The following STXBP5L variants were observed in gnomAD, a reference collection of about 807,000 sequenced individuals.
The protein encoded by STXBP5L is syntaxin binding protein 5L.
In STXBP5L, 65 loss-of-function variants were observed where a neutral mutation model predicts 144.5. The ratio of observed to expected loss-of-function variants is 0.45; its 90% CI spans 0.37 to 0.55. The LOEUF is 0.55. Among genes scored for constraint, STXBP5L ranks in the 20% least tolerant of loss-of-function variants. STXBP5L has a pLI of 0.00. For missense variants in STXBP5L, 1,298 were observed against 1,405.5 expected, an observed-to-expected ratio of 0.92 and a Z score of 1.22; for synonymous variants, 505 against 469.6, an observed-to-expected ratio of 1.08 and a Z score of -0.97.
intron 15 of STXBP5L, among the ~76,000 whole-genome samples, chr3:121,252,901 G>A (rs954819018): frequency 1.3e-5 from 2 of 152,066 alleles, no homozygotes; most frequent in African/African-American, 2.4e-5. Context: ...TGTAATCGTT[G>A]GCAGACTTCA....
intron 20 of STXBP5L, among the ~76,000 whole-genome samples, chr3:121,334,027 G>A (rs770055725): frequency 2.0e-5 from 3 of 152,072 alleles, no homozygotes; most frequent in Non-Finnish European, 4.4e-5. Context: ...CTCGTGGGGA[G>A]CAGTCTCATG....
intron 12 of STXBP5L, 116 bp downstream of exon 12, chr3:121,233,804 C>A: frequency 1.3e-6 from 1 of 770,980 alleles, no homozygotes; most frequent in Non-Finnish European, 1.9e-6. Flanking sequence ...GCTAGAATTA[C>A]AGAAATGCAC....
chr3:121,030,916 C>T (rs1226636999), intron 3 of STXBP5L, among the ~76,000 whole-genome samples: 1 of 152,116 alleles, frequency 6.6e-6, no homozygotes, highest in African/African-American at 2.4e-5. Flanking sequence ...TATTGGGTAA[C>T]TTACTGGGAG....
chr3:121,413,076 A>T, intron 23 of STXBP5L, 82 bp from the exon 24 acceptor site: 1 of 1,065,704 alleles, frequency 9.4e-7, no homozygotes, highest in Non-Finnish European at 1.3e-6. Context: ...ATAAAATAAT[A>T]GAATAAAAAT....
At chr3:121,090,905 T>C (rs1481532319) in intron 5 of STXBP5L, among the ~76,000 whole-genome samples, 2 of 150,478 alleles carry the variant, frequency 1.3e-5, no homozygotes, top group African/African-American at 2.5e-5. Flanking sequence ...ATTAGGTATA[T>C]CTCCCAGTGC....
At chr3:121,157,669 A>G (rs1234609170) in intron 9 of STXBP5L, 42 bp downstream of exon 9, 5 of 1,572,244 alleles carry the variant, frequency 3.2e-6, no homozygotes, top group South Asian at 2.4e-5. Context: ...CTGGCAATTC[A>G]GTGCCTTGAC....
chr3:121,367,925 G>C lies in STXBP5L; in HGVS notation c.2177-10791G>C, dbSNP rs141601880. On this transcript the variant is annotated intron_variant, in intron 20 of 26. Transcript: ENST00000471454. ...TAGGCATGAGCCATCTTTGACTTTTGAAAGCTTTGTAACAATGTCTCAATG... is the reference window on the plus strand; with the variant it reads ...TAGGCATGAGCCATCTTTGACTTTTCAAAGCTTTGTAACAATGTCTCAATG... 4.3e-3 allele frequency among the ~76,000 whole-genome samples: 643 copies of C among 149,740 alleles called. 5 individuals are homozygous for C. The highest frequency in any genetic ancestry group is 0.015 in the African/African-American group (613 of 40,760).
chr3:121,354,039 C>T (rs967705357), intron 20 of STXBP5L, among the ~76,000 whole-genome samples: 1 of 152,170 alleles, frequency 6.6e-6, no homozygotes, highest in Non-Finnish European at 1.5e-5. Flanking sequence ...GCACTGTGGT[C>T]TGAGAGACAG....
chr3:121,358,577 C>A (rs1675793339), intron 20 of STXBP5L, among the ~76,000 whole-genome samples: 1 of 152,134 alleles, frequency 6.6e-6, no homozygotes, highest in African/African-American at 2.4e-5. Flanking sequence ...TAGAAACCAC[C>A]ACCATGATTC....
chr3:121,050,375 C>G (rs914930738), intron 5 of STXBP5L, among the ~76,000 whole-genome samples: 1 of 151,976 alleles, frequency 6.6e-6, no homozygotes, highest in African/African-American at 2.4e-5. Context: ...TCAAGGATAT[C>G]AAAAAACTTT....
At chr3:121,304,239 A>G (rs2043254058) in intron 19 of STXBP5L, among the ~76,000 whole-genome samples, 1 of 152,196 alleles carries the variant, frequency 6.6e-6, no homozygotes, top group South Asian at 2.1e-4. Flanking sequence ...AAATATATGA[A>G]GCAAAAACTG....
At chr3:120,924,695 TTTTATTTATTTTTA>T (rs1161416153) in intron 2 of STXBP5L, 8 of 151,796 alleles carry the variant, frequency 5.3e-5, no homozygotes, top group African/African-American at 1.5e-4. Context: ...CTCGTCTTTA[TTTTATTTATTTTTA>T]TTTATTTATT....
intron 22 of STXBP5L, among the ~76,000 whole-genome samples, chr3:121,385,013 C>T (rs1443850185): frequency 6.6e-6 from 1 of 151,914 alleles, no homozygotes; most frequent in Non-Finnish European, 1.5e-5. Context: ...TGCTTTGTAA[C>T]ATATATAATA....
chr3:121,399,490 G>A (rs1402739494), intron 22 of STXBP5L, among the ~76,000 whole-genome samples: 1 of 152,176 alleles, frequency 6.6e-6, no homozygotes, highest in Non-Finnish European at 1.5e-5. Context: ...TCAGAGCTGA[G>A]AGCCCTGAAC....
At chr3:121,102,654 G>T (rs2043491527) in intron 5 of STXBP5L, among the ~76,000 whole-genome samples, 1 of 152,098 alleles carries the variant, frequency 6.6e-6, no homozygotes, top group African/African-American at 2.4e-5. Context: ...AAGAATTTAT[G>T]ACTAGGTCTT....
At chr3:121,187,480 G>A (rs1332896137) in intron 9 of STXBP5L, among the ~76,000 whole-genome samples, 4 of 150,992 alleles carry the variant, frequency 2.6e-5, no homozygotes, top group Non-Finnish European at 5.9e-5. Context: ...AATGGGTGCA[G>A]CATACCAACA....
chr3:121,196,390 C>G (rs1490684813), intron 9 of STXBP5L, among the ~76,000 whole-genome samples: 1 of 151,982 alleles, frequency 6.6e-6, no homozygotes, highest in Non-Finnish European at 1.5e-5. Context: ...CCACCTGCCT[C>G]GACCTCCCAA....
rs755501880 is a variant in STXBP5L, at chr3:121,259,106, G to A, written c.1896G>A (p.Val632=). 5 of 1,606,104 alleles carry A rather than the reference G, an allele frequency of 3.1e-6. No homozygotes were observed. Among genetic ancestry groups the A allele is most frequent in the Middle Eastern group, 1.7e-4 (1 of 6,036 alleles). Residue 632 remains valine (V), a synonymous_variant, in exon 18 of 27, where the codon GTG becomes GTA. Transcript: ENST00000471454. ...AAGCAGAACTTGTTATTCAATTGGT[G>A]TGGGTAGATGGTGAACCTCCACAAC... ...GYQAELVIQL[V]WVDGEPPQQI...
intron 3 of STXBP5L, among the ~76,000 whole-genome samples, chr3:120,959,680 G>A (rs1240023649): frequency 6.6e-6 from 1 of 151,782 alleles, no homozygotes; most frequent in Non-Finnish European, 1.5e-5. Flanking sequence ...AAATGATGCT[G>A]GTGGGAAAAC....
Sources: allele counts gnomAD v4.1 joint callset (sites outside exome capture counted in the v4.1 genomes callset), GRCh38; gene constraint gnomAD v4.1.1; transcripts MANE v1.5; gene names NCBI Gene and HGNC (gene_info 2026-07-23, HGNC 2026-07-21).